CACNA1C: variants seen among roughly 807,000 people sequenced by gnomAD.
CACNA1C encodes the protein voltage-dependent L-type calcium channel subunit alpha-1C.
A neutral mutation model predicts 229.0 loss-of-function variants in CACNA1C; 30 were observed. That is an observed-to-expected ratio of 0.13 (90% CI 0.10 to 0.18). CACNA1C has a LOEUF of 0.18. Among genes scored for constraint, CACNA1C ranks in the 10% least tolerant of loss-of-function variants. The pLI, the probability that CACNA1C is intolerant of heterozygous loss-of-function variation, is 1.00. For synonymous variants in CACNA1C, 1,114 were observed against 1,132.5 expected (o/e 0.98, Z 0.33); for missense variants, 1,658 against 2,845.0 (o/e 0.58, Z 9.49).
intron 27 of CACNA1C, among the ~76,000 whole-genome samples, chr12:2,609,789 A>G (rs1338104651): frequency 6.6e-6 from 1 of 151,786 alleles, no homozygotes; most frequent in Non-Finnish European, 1.5e-5. Flanking sequence ...CTCTCAGTGA[A>G]CTGTGTTTTT....
intron 4 of CACNA1C, among the ~76,000 whole-genome samples, chr12:2,453,747 G>T (rs1293278094): frequency 6.6e-6 from 1 of 152,068 alleles, no homozygotes; most frequent in African/African-American, 2.4e-5. Context: ...CAACTTTTCT[G>T]TAAGGGCCGG....
intron 1 of CACNA1C, among the ~76,000 whole-genome samples, chr12:2,109,258 C>T (rs987316444): frequency 6.6e-6 from 1 of 152,080 alleles, no homozygotes; most frequent in Non-Finnish European, 1.5e-5. Context: ...GGGCGTTGGG[C>T]ATGTTTATTC....
chr12:2,429,794 G>A lies in CACNA1C; in HGVS notation c.478-19182G>A, dbSNP rs555635002. Among the ~76,000 whole-genome samples the A allele has an allele frequency of 1.0e-3, 157 of 152,238 alleles. 1 individual carries two copies. Among genetic ancestry groups the A allele is most frequent in the African/African-American group, 3.5e-3 (145 of 41,536 alleles). ...TATTCTATGGGCCAAAACACCAGCC[G>A]TGCCCAGCTCCACCCATCTTAGGTG... On this transcript the variant is annotated intron_variant, in intron 3 of 46. Transcript: ENST00000399655.
chr12:1,972,854 AAG>A (rs2032925554), intron 1 of CACNA1C, among the ~76,000 whole-genome samples: 1 of 152,064 alleles, frequency 6.6e-6, no homozygotes, highest in South Asian at 2.1e-4. Context: ...GAGGGAGAAA[AAG>A]AGAGAAAAGA....
intron 3 of CACNA1C, among the ~76,000 whole-genome samples, chr12:2,259,734 T>G (rs1369703603): frequency 1.3e-5 from 2 of 152,162 alleles, no homozygotes; most frequent in Middle Eastern, 3.2e-3. Context: ...AATGAGTGCA[T>G]TACAGCCTGG....
intron 1 of CACNA1C, among the ~76,000 whole-genome samples, chr12:2,008,246 T>C (rs2043812434): frequency 6.6e-6 from 1 of 152,148 alleles, no homozygotes; most frequent in African/African-American, 2.4e-5. Flanking sequence ...GCCTCCCAGG[T>C]AGCTGGGACC....
At chr12:2,572,391 C>T (rs1404777263) in intron 13 of CACNA1C, among the ~76,000 whole-genome samples, 2 of 67,718 alleles carry the variant, frequency 3.0e-5, no homozygotes, top group African/African-American at 1.3e-4. Context: ...TCTTCCTCCT[C>T]CTTCTTCTCT....
chr12:2,121,003 T>C (rs982457036), intron 3 of CACNA1C, among the ~76,000 whole-genome samples: 14 of 152,268 alleles, frequency 9.2e-5, no homozygotes, highest in African/African-American at 3.4e-4. Flanking sequence ...GGGGTTAGAA[T>C]TGGTCCATGG....
At chr12:2,206,375 G>C (rs780182015) in intron 3 of CACNA1C, among the ~76,000 whole-genome samples, 1 of 152,188 alleles carries the variant, frequency 6.6e-6, no homozygotes, top group African/African-American at 2.4e-5. Context: ...AGGCTGCTTC[G>C]GATCCGAGAG....
intron 3 of CACNA1C, among the ~76,000 whole-genome samples, chr12:2,231,747 G>A (rs1324147230): frequency 2.6e-5 from 4 of 152,044 alleles, no homozygotes; most frequent in Admixed American, 6.6e-5. Flanking sequence ...TTTGACTCCT[G>A]CAAGCTGCTA....
intron 3 of CACNA1C, among the ~76,000 whole-genome samples, chr12:2,163,769 G>A (rs1200083332): frequency 1.3e-5 from 2 of 152,114 alleles, no homozygotes; most frequent in African/African-American, 2.4e-5. Context: ...GGCCTCTGAG[G>A]CATTCCAGTG....
At chr12:2,668,857 C>A in intron 37 of CACNA1C, 76 bp from the exon 38 acceptor site, 1 of 937,104 alleles carries the variant, frequency 1.1e-6, no homozygotes, top group Non-Finnish European at 1.8e-6. Context: ...CAAACCATAT[C>A]ACTCTGCCAC....
At chr12:2,408,494 CTT>C (rs61026675) in intron 3 of CACNA1C, among the ~76,000 whole-genome samples, 12 of 137,626 alleles carry the variant, frequency 8.7e-5, no homozygotes, top group Admixed American at 2.2e-4. Context: ...CTAATTGGGG[CTT>C]TTTTTTTTTT....
Position 2,630,725 on chromosome 12 carries a change from C to T in CACNA1C, c.3829-3572C>T, listed in dbSNP as rs892098708. Among the ~76,000 whole-genome samples the T allele has an allele frequency of 6.6e-6, 1 of 152,188 alleles. No homozygotes were observed. Among genetic ancestry groups the T allele is most frequent in the Admixed American group, 6.5e-5 (1 of 15,278 alleles). ...TGCATTCCAGCTCTGTGGAAATCCC[C>T]CAGGGCTGGGGCACAGGAGCTCTCA... On this transcript the variant is annotated intron_variant, in intron 29 of 46. Coordinates refer to ENST00000399655, the MANE Select transcript of CACNA1C (RefSeq NM_000719.7). The surrounding 1 kb of genome is among the most constrained non-coding windows in gnomAD (Gnocchi z 5.4).
intron 34 of CACNA1C, among the ~76,000 whole-genome samples, chr12:2,661,316 A>AC (rs1569115699): frequency 4.3e-4 from 55 of 128,612 alleles, no homozygotes; most frequent in African/African-American, 1.4e-3. Context: ...CACACACACA[A>AC]GATTTTTCTA....
At chr12:2,570,393 A>G (rs977678571) in intron 13 of CACNA1C, among the ~76,000 whole-genome samples, 7 of 152,138 alleles carry the variant, frequency 4.6e-5, no homozygotes, top group Non-Finnish European at 8.8e-5. Flanking sequence ...GCATGGTCAC[A>G]TGGTGTTGTG....
In CACNA1C at chr12:2,695,753, G is replaced by T. The variant is rs1423937358; in HGVS notation, c.*4554G>T. 1 of 152,218 alleles carries T rather than the reference G, an allele frequency of 6.6e-6. No individual in the cohort carries two copies. The highest frequency in any genetic ancestry group is 1.5e-5 in the Non-Finnish European group (1 of 68,046). The allele number at this position is 152,218 out of a possible 1,614,324, so 9.4% of individuals were successfully genotyped here. ...GATGCTTACACGACCTCTTTGTGAA[G>T]CCTCTTCTGGGTTTAACTTCATTCA... On this transcript the variant is annotated 3_prime_UTR_variant, in exon 47 of 47. Coordinates refer to ENST00000399655, the MANE Select transcript of CACNA1C (RefSeq NM_000719.7).
chr12:2,468,925 A>G (rs1567868793), intron 5 of CACNA1C, among the ~76,000 whole-genome samples: 1 of 152,192 alleles, frequency 6.6e-6, no homozygotes, highest in Non-Finnish European at 1.5e-5. Flanking sequence ...ACCTTTCACC[A>G]TGGCAGTTGC....
At position 2,467,735 on chromosome 12, in the gene CACNA1C, G is replaced by T. The variant is rs2154567079; in HGVS notation, c.757+10029G>T. Among the ~76,000 whole-genome samples, 1 of 152,270 alleles carries T rather than the reference G, an allele frequency of 6.6e-6. No individual in the cohort carries two copies. Among genetic ancestry groups the T allele is most frequent in the Middle Eastern group, 3.4e-3 (1 of 292 alleles). ...TCCCCCGGTGTCTCCTGATCTCCCAGTGTGGACGGTCTTTCCCCTTGACTG... is the reference window on the plus strand; with the variant it reads ...TCCCCCGGTGTCTCCTGATCTCCCATTGTGGACGGTCTTTCCCCTTGACTG... On this transcript the variant is annotated intron_variant, in intron 5 of 46. Transcript: ENST00000399655. The surrounding 1 kb of genome is among the most constrained non-coding windows in gnomAD (Gnocchi z 4.6).
Sources: gnomAD v4.1 joint callset for allele counts (sites outside exome capture counted in the v4.1 genomes callset) on GRCh38, gnomAD v4.1.1 for gene constraint, Gnocchi (gnomAD v3.1) non-coding constraint, MANE v1.5 for transcripts, NCBI Gene and HGNC (gene_info 2026-07-23, HGNC 2026-07-21) for gene names.